RASSF6: variants seen among roughly 807,000 people sequenced by gnomAD.
RASSF6 encodes the protein Ras association domain family member 6.
In RASSF6, 52 loss-of-function variants were observed where a neutral mutation model predicts 44.0. The observed-to-expected ratio is 1.18, with a 90% CI of 0.95 to 1.49. The LOEUF (loss-of-function observed/expected upper bound fraction) is 1.49, where lower values mean the gene tolerates loss of function less well. Ranked by LOEUF, RASSF6 falls within the 40% of genes most tolerant of loss-of-function variation. The pLI is 0.00. For synonymous variants in RASSF6, 162 were observed against 124.6 expected (o/e 1.30, Z -2.00); for missense variants, 464 against 393.3 (o/e 1.18, Z -1.52).
At chr4:73,607,613 T>C (rs1725728340) in intron 2 of RASSF6, among the ~76,000 whole-genome samples, 1 of 152,196 alleles carries the variant, frequency 6.6e-6, no homozygotes, top group South Asian at 2.1e-4. Flanking sequence ...TCTCAAAGTG[T>C]GATCCCCAGA....
At chr4:73,619,159 G>A (rs745673076) in intron 1 of RASSF6, among the ~76,000 whole-genome samples, 1 of 152,086 alleles carries the variant, frequency 6.6e-6, no homozygotes, top group Non-Finnish European at 1.5e-5. Context: ...AAACCCAAAT[G>A]GCATGAATTC....
chr4:73,587,973 T>C (rs1724235570), intron 4 of RASSF6, 39 bp from the exon 5 acceptor site: 2 of 1,348,126 alleles, frequency 1.5e-6, no homozygotes, highest in Non-Finnish European at 2.1e-6. Flanking sequence ...TCAGTTCCAT[T>C]TATATTGAAG....
In RASSF6 at chr4:73,584,411, A is replaced by T. The variant is rs898129904; in HGVS notation, c.567+769T>A. On this transcript the variant is annotated intron_variant, in intron 6 of 10. Coordinates refer to ENST00000307439, the MANE Select transcript of RASSF6 (RefSeq NM_177532.5). Reference sequence around the variant, plus strand: ...ATTTGAGTTCTGGAAAAAAATGATGATATATTTCCTACCTTCAGCAAAATG... The same window carrying T: ...ATTTGAGTTCTGGAAAAAAATGATGTTATATTTCCTACCTTCAGCAAAATG... Among the ~76,000 whole-genome samples, 4 of 152,132 alleles carry T rather than the reference A, an allele frequency of 2.6e-5. No homozygotes were observed. In the South Asian group the frequency reaches 6.2e-4, roughly 24 times the overall value.
chr4:73,585,600 AG>A (rs1470706672), intron 5 of RASSF6, among the ~76,000 whole-genome samples: 1 of 152,046 alleles, frequency 6.6e-6, no homozygotes, highest in Non-Finnish European at 1.5e-5. Flanking sequence ...ATGTTTCATA[AG>A]AAATGATCAC....
At chr4:73,585,693 G>A (rs1724034867) in intron 5 of RASSF6, among the ~76,000 whole-genome samples, 1 of 151,924 alleles carries the variant, frequency 6.6e-6, no homozygotes, top group Admixed American at 6.6e-5. Context: ...GAGTGTTAGA[G>A]CTGGAATAAA....
chr4:73,595,186 T>C (rs1724845079), intron 3 of RASSF6, among the ~76,000 whole-genome samples: 1 of 152,144 alleles, frequency 6.6e-6, no homozygotes, highest in Non-Finnish European at 1.5e-5. Flanking sequence ...TTTTAAAAAA[T>C]TAAATAACTT....
chr4:73,576,689 C>A lies in RASSF6; in HGVS notation c.764G>T (p.Arg255Met). The change falls in exon 9 of 11, where the codon AGG becomes ATG. Residue 255 changes from arginine to methionine, a missense_variant. Physicochemically the swap from Arg to Met is moderately conservative, Grantham distance 91. Coordinates refer to ENST00000307439, the MANE Select transcript of RASSF6 (RefSeq NM_177532.5). ...CTTTTCAGAAGGTCCCTGTAGGAGC[C>A]TCTGCAGTAGCGGAATGTCTGTCTT... ...LKKTDIPLLQRLLQGPSEKNA... is the reference protein window; with the variant it reads ...LKKTDIPLLQMLLQGPSEKNA... 6.2e-7 allele frequency: 1 copy of A among 1,613,374 alleles called. No individual in the cohort carries two copies. Among genetic ancestry groups the A allele is most frequent in the Non-Finnish European group, 8.5e-7 (1 of 1,179,536 alleles).
chr4:73,596,313 C>T (rs1724940219), intron 3 of RASSF6, among the ~76,000 whole-genome samples: 1 of 152,178 alleles, frequency 6.6e-6, no homozygotes, highest in Non-Finnish European at 1.5e-5. Flanking sequence ...AATCGATGTG[C>T]AAAAGTTGCT....
intron 1 of RASSF6, among the ~76,000 whole-genome samples, chr4:73,616,565 TAAG>T (rs1330662803): frequency 6.6e-6 from 1 of 152,168 alleles, no homozygotes; most frequent in Non-Finnish European, 1.5e-5. Flanking sequence ...ATGGTAAAAT[TAAG>T]AGCTAAGAGA....
intron 3 of RASSF6, among the ~76,000 whole-genome samples, 167 bp from the exon 4 acceptor site, chr4:73,593,760 T>G (rs1724741994): frequency 6.6e-6 from 1 of 152,260 alleles, no homozygotes; most frequent in Non-Finnish European, 1.5e-5. Context: ...AATTCTATTT[T>G]TGAAACATTC....
In RASSF6 at chr4:73,575,293, T is replaced by C. The variant is rs956717462; in HGVS notation, c.*942A>G. The stretch of plus-strand genomic sequence containing the variant: ...AGTTTATACTTATAGCATTTCTTCA[T>C]TTTTAGTGTTTTTTTTTCAAGTGGG... On this transcript the variant is annotated 3_prime_UTR_variant, in exon 11 of 11. Transcript: ENST00000307439. 1.3e-5 allele frequency: 2 copies of C among 152,144 alleles called. No homozygotes were observed. The highest frequency in any genetic ancestry group is 4.8e-5 in the African/African-American group (2 of 41,436). 9.4% of individuals were successfully genotyped at this position (152,144 alleles called of 1,614,324 possible). A position where few individuals can be genotyped will look rare whatever the true frequency, so the allele number is the denominator to read the frequency against.
At chr4:73,582,454 T>C (rs1486570850) in intron 6 of RASSF6, among the ~76,000 whole-genome samples, 164 bp from the exon 7 acceptor site, 2 of 152,168 alleles carry the variant, frequency 1.3e-5, no homozygotes, top group African/African-American at 4.8e-5. Flanking sequence ...GAATATTATG[T>C]GTTCTTTTAA....
intron 1 of RASSF6, among the ~76,000 whole-genome samples, chr4:73,617,555 G>A (rs913537794): frequency 1.3e-5 from 2 of 152,076 alleles, no homozygotes; most frequent in African/African-American, 4.8e-5. Context: ...CATTTTTCCT[G>A]TTTGTATATT....
chr4:73,618,522 A>G (rs1726512779), intron 1 of RASSF6, among the ~76,000 whole-genome samples: 1 of 152,158 alleles, frequency 6.6e-6, no homozygotes, highest in African/African-American at 2.4e-5. Flanking sequence ...ATAAAAGCAT[A>G]TTTCCTCTTT....
rs1438820525 is a variant in RASSF6, at chr4:73,571,589, C to A, written c.*4646G>T. The A allele has an allele frequency of 4.0e-5, 6 of 151,586 alleles. No individual in the cohort carries two copies. Among genetic ancestry groups the A allele is most frequent in the Non-Finnish European group, 7.4e-5 (5 of 67,906 alleles). The allele number at this position is 151,586 out of a possible 1,614,324, so 9.4% of individuals were successfully genotyped here. A position where few individuals can be genotyped will look rare whatever the true frequency, so the allele number is the denominator to read the frequency against. On this transcript the variant is annotated 3_prime_UTR_variant, in exon 11 of 11. Coordinates refer to ENST00000307439, the MANE Select transcript of RASSF6 (RefSeq NM_177532.5). Reference sequence around the variant, plus strand: ...GTTTAATATTTTTTCAGCTATGGGACCAGACTTGTAATAAGTAATACATAC... The same window carrying A: ...GTTTAATATTTTTTCAGCTATGGGAACAGACTTGTAATAAGTAATACATAC...
chr4:73,581,075 G>T (rs947549830), intron 8 of RASSF6, among the ~76,000 whole-genome samples: 1 of 137,016 alleles, frequency 7.3e-6, no homozygotes, highest in African/African-American at 2.7e-5. Context: ...TTTTATATAT[G>T]TTTAGAGATA....
At chr4:73,598,491 T>C in intron 3 of RASSF6, 149 bp downstream of exon 3, 1 of 496,108 alleles carries the variant, frequency 2.0e-6, no homozygotes, top group Non-Finnish European at 3.6e-6. Context: ...CAAAAATGCT[T>C]AGAAAGTCAC....
chr4:73,611,689 A>T (rs1240515066), intron 2 of RASSF6, 42 bp downstream of exon 2: 10 of 1,288,170 alleles, frequency 7.8e-6, no homozygotes, highest in Non-Finnish European at 1.0e-5. Context: ...TCCACAAATG[A>T]CTGGTGAGTA....
At chr4:73,611,616 T>G (rs891020224) in intron 2 of RASSF6, 115 bp downstream of exon 2, 1 of 601,750 alleles carries the variant, frequency 1.7e-6, no homozygotes, top group Non-Finnish European at 3.0e-6. Flanking sequence ...GTATCTCTAC[T>G]GATGATTCAT....
Sources: allele counts gnomAD v4.1 joint callset (sites outside exome capture counted in the v4.1 genomes callset), GRCh38; gene constraint gnomAD v4.1.1; transcripts MANE v1.5; gene names NCBI Gene and HGNC (gene_info 2026-07-23, HGNC 2026-07-21).